Variants in RNF180 observed in about 807,000 individuals in gnomAD.
RNF180 encodes ring finger protein 180.
In RNF180, 38 loss-of-function variants were observed where a neutral mutation model predicts 59.2. That is an observed-to-expected ratio of 0.64 (90% confidence interval 0.50 to 0.84). The LOEUF is 0.84. RNF180 is among the 40% of genes least tolerant of loss of function. RNF180 has a pLI of 0.00. For missense variants in RNF180, 705 were observed against 700.9 expected, an observed-to-expected ratio of 1.01 and a Z score of -0.07; for synonymous variants, 262 against 240.3, an observed-to-expected ratio of 1.09 and a Z score of -0.84.
chr5:64,337,472 C>T (rs1287579534), intron 7 of RNF180, among the ~76,000 whole-genome samples: 2 of 151,694 alleles, frequency 1.3e-5, no homozygotes, highest in Admixed American at 1.3e-4. Context: ...ATATGGTTTC[C>T]TATTGTTGTC....
intron 6 of RNF180, among the ~76,000 whole-genome samples, chr5:64,325,844 C>G (rs1185885812): frequency 6.6e-6 from 1 of 152,162 alleles, no homozygotes; most frequent in Non-Finnish European, 1.5e-5. Context: ...AAAATTTTCT[C>G]AACCTTCTTA....
At chr5:64,246,568 T>C (rs759003117) in intron 5 of RNF180, among the ~76,000 whole-genome samples, 13 of 152,166 alleles carry the variant, frequency 8.5e-5, no homozygotes, top group Non-Finnish European at 1.6e-4. Context: ...CAGGAAGATA[T>C]TCTATCCCTG....
At chr5:64,313,812 A>T (rs554575811) in intron 5 of RNF180, among the ~76,000 whole-genome samples, 2 of 152,060 alleles carry the variant, frequency 1.3e-5, no homozygotes, top group Non-Finnish European at 2.9e-5. Flanking sequence ...CCTCACTAGC[A>T]TCTATGATTT....
chr5:64,230,920 A>G (rs1326573806), intron 5 of RNF180, among the ~76,000 whole-genome samples: 1 of 152,236 alleles, frequency 6.6e-6, no homozygotes, highest in Non-Finnish European at 1.5e-5. Context: ...TTCATTAATT[A>G]TGTATCCACC....
intron 2 of RNF180, 70 bp downstream of exon 2, chr5:64,201,012 A>G (rs1751714588): frequency 8.5e-7 from 1 of 1,175,672 alleles, no homozygotes; most frequent in East Asian, 2.4e-5. Flanking sequence ...ACACACATGC[A>G]CACTTATTCT....
intron 7 of RNF180, among the ~76,000 whole-genome samples, chr5:64,352,538 T>TA (rs1270272667): frequency 2.0e-5 from 3 of 152,080 alleles, no homozygotes; most frequent in Non-Finnish European, 4.4e-5. Context: ...TGTGGGCATT[T>TA]AGTGCTATAA....
chr5:64,166,069 G>A (rs2111833304), intron 1 of RNF180, 116 bp downstream of exon 1: 1 of 152,340 alleles, frequency 6.6e-6, no homozygotes, highest in South Asian at 2.1e-4. Flanking sequence ...GTTGGCCCAG[G>A]CGGGGACGTG....
intron 1 of RNF180, among the ~76,000 whole-genome samples, chr5:64,183,335 A>G (rs764168376): frequency 6.6e-6 from 1 of 151,576 alleles, no homozygotes; most frequent in African/African-American, 2.4e-5. Context: ...AAAAAATAAT[A>G]TTAATGCTTT....
At chr5:64,272,704 T>C (rs1251169290) in intron 5 of RNF180, among the ~76,000 whole-genome samples, 1 of 151,982 alleles carries the variant, frequency 6.6e-6, no homozygotes, top group Non-Finnish European at 1.5e-5. Flanking sequence ...GTTATAAACG[T>C]AGAAAGACAG....
chr5:64,317,364 C>A (rs1384175405), intron 5 of RNF180, among the ~76,000 whole-genome samples: 1 of 151,914 alleles, frequency 6.6e-6, no homozygotes, highest in Non-Finnish European at 1.5e-5. Context: ...TTTAAAAGTA[C>A]TTTATTGCTA....
At chr5:64,206,889 C>A (rs933070869) in intron 2 of RNF180, among the ~76,000 whole-genome samples, 8 of 152,102 alleles carry the variant, frequency 5.3e-5, no homozygotes, top group Non-Finnish European at 1.0e-4. Context: ...AAACCTTCAG[C>A]CTCTAGAACT....
At chr5:64,349,317 T>C (rs1745684161) in intron 7 of RNF180, among the ~76,000 whole-genome samples, 1 of 152,072 alleles carries the variant, frequency 6.6e-6, no homozygotes, top group Non-Finnish European at 1.5e-5. Context: ...GTTGTTAACT[T>C]CATTTTTTTT....
chr5:64,329,802 G>A (rs1163274988), intron 6 of RNF180, among the ~76,000 whole-genome samples: 1 of 152,132 alleles, frequency 6.6e-6, no homozygotes, highest in Non-Finnish European at 1.5e-5. Flanking sequence ...TTCACAATAG[G>A]GTTCACTTCC....
chr5:64,263,551 G>A (rs1213165076), intron 5 of RNF180, among the ~76,000 whole-genome samples: 2 of 152,130 alleles, frequency 1.3e-5, no homozygotes, highest in African/African-American at 4.8e-5. Flanking sequence ...AAGTGAAAAA[G>A]CAATTGACGG....
At chr5:64,264,672 A>T (rs753987982) in intron 5 of RNF180, among the ~76,000 whole-genome samples, 5 of 152,156 alleles carry the variant, frequency 3.3e-5, no homozygotes, top group Non-Finnish European at 5.9e-5. Flanking sequence ...GCTGTTGTAA[A>T]TAGTGCTGCA....
At chr5:64,293,392 C>T (rs906954525) in intron 5 of RNF180, among the ~76,000 whole-genome samples, 4 of 152,232 alleles carry the variant, frequency 2.6e-5, no homozygotes, top group Admixed American at 6.5e-5. Context: ...GTGAGAGCCA[C>T]GGACCGCAGC....
chr5:64,228,344 A>G (rs1233912711), intron 5 of RNF180, among the ~76,000 whole-genome samples: 6 of 151,982 alleles, frequency 3.9e-5, no homozygotes, highest in South Asian at 2.1e-4. Context: ...TGAGACCCCC[A>G]TCTCTACAAA....
chr5:64,201,831 C>T (rs1751766869), intron 2 of RNF180, among the ~76,000 whole-genome samples: 3 of 152,150 alleles, frequency 2.0e-5, no homozygotes, highest in African/African-American at 2.4e-5. Context: ...CCTCCACCTC[C>T]TGGGTTCAAG....
chr5:64,170,078 G>A (rs557536655), intron 1 of RNF180, among the ~76,000 whole-genome samples: 1 of 152,156 alleles, frequency 6.6e-6, no homozygotes, highest in African/African-American at 2.4e-5. Flanking sequence ...ACCTGTCAAG[G>A]CATGAGGTTG....
Sources: gnomAD v4.1 joint callset for allele counts (sites outside exome capture counted in the v4.1 genomes callset) on GRCh38, gnomAD v4.1.1 for gene constraint, MANE v1.5 for transcripts, NCBI Gene and HGNC (gene_info 2026-07-23, HGNC 2026-07-21) for gene names.